Variants in EBF1 observed in about 807,000 individuals in gnomAD.
EBF1 encodes the protein EBF transcription factor 1.
EBF1 carries 10 observed loss-of-function variants against 68.4 expected under a neutral mutation model. The observed-to-expected ratio is 0.15, with a 90% CI of 0.09 to 0.25. The LOEUF is 0.25. EBF1 is among the 10% of genes least tolerant of loss of function. EBF1 has a pLI of 1.00. For synonymous variants in EBF1, 298 were observed against 299.8 expected, an observed-to-expected ratio of 0.99 and a Z score of 0.06; for missense variants, 509 against 794.4, an observed-to-expected ratio of 0.64 and a Z score of 4.32.
intron 4 of EBF1, among the ~76,000 whole-genome samples, chr5:159,095,397 C>T (rs1273585078): frequency 6.6e-6 from 1 of 152,190 alleles, no homozygotes; most frequent in Non-Finnish European, 1.5e-5. Context: ...ATTCACAAGG[C>T]CCGAGTTCCC....
intron 6 of EBF1, among the ~76,000 whole-genome samples, chr5:158,972,700 C>T (rs74794061): frequency 0.013 from 2,051 of 152,292 alleles, 21 homozygotes; most frequent in Non-Finnish European, 0.019. Context: ...CGATGGCTTC[C>T]GATCTCACTC....
At chr5:158,885,797 G>T (rs1408674102) in intron 6 of EBF1, among the ~76,000 whole-genome samples, 1 of 152,202 alleles carries the variant, frequency 6.6e-6, no homozygotes, top group Admixed American at 6.5e-5. Flanking sequence ...AGCACCGAAG[G>T]CTATGTCAAC....
At chr5:158,945,060 A>G (rs556576360) in intron 6 of EBF1, among the ~76,000 whole-genome samples, 4 of 152,200 alleles carry the variant, frequency 2.6e-5, no homozygotes, top group Non-Finnish European at 4.4e-5. Flanking sequence ...TGCTGTGCAG[A>G]AGCTCTTTAG....
intron 6 of EBF1, among the ~76,000 whole-genome samples, chr5:158,909,633 C>T (rs114057181): frequency 1.0e-3 from 158 of 152,142 alleles, no homozygotes; most frequent in African/African-American, 3.4e-3. Flanking sequence ...CTTACAGTTA[C>T]AGATCAGGTC....
At chr5:158,815,393 TC>T (rs557235238) in intron 8 of EBF1, among the ~76,000 whole-genome samples, 1 of 152,168 alleles carries the variant, frequency 6.6e-6, no homozygotes, top group Non-Finnish European at 1.5e-5. Context: ...AGTTTTCTCA[TC>T]TGTAAAATGG....
chr5:158,754,646 C>T (rs1347552940), intron 10 of EBF1, among the ~76,000 whole-genome samples: 1 of 152,040 alleles, frequency 6.6e-6, no homozygotes, highest in African/African-American at 2.4e-5. Context: ...TGCCACTCAC[C>T]AGCCTTGATT....
intron 6 of EBF1, among the ~76,000 whole-genome samples, chr5:158,921,901 T>G (rs1435405108): frequency 6.6e-6 from 1 of 152,188 alleles, no homozygotes; most frequent in Non-Finnish European, 1.5e-5. Flanking sequence ...CTATCTTTGG[T>G]TTATTGAACC....
At chr5:158,733,260 C>T (rs554182345) in intron 10 of EBF1, among the ~76,000 whole-genome samples, 278 of 152,240 alleles carry the variant, frequency 1.8e-3, no homozygotes, top group Admixed American at 5.0e-3. Flanking sequence ...TTAAATGCAT[C>T]ATTTTAATAT....
chr5:158,933,094 T>G (rs1811235438), intron 6 of EBF1, among the ~76,000 whole-genome samples: 1 of 152,224 alleles, frequency 6.6e-6, no homozygotes, highest in African/African-American at 2.4e-5. Flanking sequence ...TTTAATTTTT[T>G]TCTTCCTAAT....
At chr5:158,752,929 A>G (rs182885971) in intron 10 of EBF1, among the ~76,000 whole-genome samples, 51 of 152,212 alleles carry the variant, frequency 3.4e-4, no homozygotes, top group African/African-American at 1.1e-3. Flanking sequence ...ATGTGGTTTC[A>G]ATTTCCTACA....
At chr5:159,024,108 T>C (rs1767252687) in intron 6 of EBF1, among the ~76,000 whole-genome samples, 1 of 152,146 alleles carries the variant, frequency 6.6e-6, no homozygotes, top group Non-Finnish European at 1.5e-5. Context: ...AAAATCTCCA[T>C]GACTTGGGCC....
At chr5:158,834,471 G>C (rs2127940420) in intron 7 of EBF1, among the ~76,000 whole-genome samples, 1 of 151,206 alleles carries the variant, frequency 6.6e-6, no homozygotes, top group South Asian at 2.1e-4. Flanking sequence ...CCTAACTACA[G>C]CCTAGGGATT....
At chr5:158,945,098 G>A (rs778361397) in intron 6 of EBF1, among the ~76,000 whole-genome samples, 1 of 152,142 alleles carries the variant, frequency 6.6e-6, no homozygotes, top group Non-Finnish European at 1.5e-5. Context: ...TGTCAATGTT[G>A]GCTTTTGTTG....
intron 15 of EBF1, among the ~76,000 whole-genome samples, chr5:158,701,858 C>G (rs1756847053): frequency 6.6e-6 from 1 of 152,214 alleles, no homozygotes; most frequent in Non-Finnish European, 1.5e-5. Context: ...AGCCGACAGA[C>G]TTCTCTGAGA....
chr5:158,906,376 C>T (rs945308170), intron 6 of EBF1, among the ~76,000 whole-genome samples: 1 of 147,336 alleles, frequency 6.8e-6, no homozygotes, highest in Non-Finnish European at 1.5e-5. Context: ...ATCATACATA[C>T]AAAAAAAGCA....
chr5:158,945,407 C>T (rs958900320), intron 6 of EBF1, among the ~76,000 whole-genome samples: 7 of 152,074 alleles, frequency 4.6e-5, no homozygotes, highest in Non-Finnish European at 1.0e-4. Flanking sequence ...TTTCTGAGGC[C>T]TCTGTTCTGT....
rs114241193 is a variant in EBF1 at position 158,711,546 on chromosome 5, G to A, written c.1549+608C>T. On this transcript the variant is annotated intron_variant, in intron 14 of 15. Transcript: ENST00000313708. ...GATGAGAAAATTGAGGCTTGGAGAG[G>A]AAATGAACTTGATTCCTTTTATGTA... Among the ~76,000 whole-genome samples the A allele has an allele frequency of 5.2e-3, 799 of 152,314 alleles. 6 individuals carry two copies. The highest frequency in any genetic ancestry group is 0.018 in the African/African-American group (765 of 41,564).
intron 4 of EBF1, among the ~76,000 whole-genome samples, chr5:159,091,108 T>C (rs1781552119): frequency 6.6e-6 from 1 of 152,232 alleles, no homozygotes; most frequent in South Asian, 2.1e-4. Flanking sequence ...TACAGTCATA[T>C]GAGTTCAATA....
chr5:158,821,410 G>A (rs186191974), intron 8 of EBF1, among the ~76,000 whole-genome samples: 62 of 152,234 alleles, frequency 4.1e-4, no homozygotes, highest in Middle Eastern at 6.8e-3. Flanking sequence ...GGGATAATTT[G>A]CCTGGTGTCA....
Sources: allele counts gnomAD v4.1 joint callset (sites outside exome capture counted in the v4.1 genomes callset), GRCh38; gene constraint gnomAD v4.1.1; transcripts MANE v1.5; gene names NCBI Gene and HGNC (gene_info 2026-07-23, HGNC 2026-07-21).